Variants in FCAR observed in about 807,000 individuals in gnomAD.
FCAR encodes the protein immunoglobulin alpha Fc receptor.
Under a neutral mutation model 27.1 loss-of-function variants are expected in FCAR, and 21 were observed. The observed-to-expected ratio is 0.77, with a 90% CI of 0.55 to 1.11. FCAR has a LOEUF of 1.11. Among genes scored for constraint, FCAR ranks in the 50% most tolerant of loss-of-function variants. The pLI, the probability that FCAR is intolerant of heterozygous loss-of-function variation, is 0.00. For synonymous variants in FCAR, 134 were observed against 135.8 expected (o/e 0.99, Z 0.09); for missense variants, 404 against 358.4 (o/e 1.13, Z -1.03).
chr19:54,882,728 C>A (rs918888675), intron 2 of FCAR, among the ~76,000 whole-genome samples: 1 of 152,042 alleles, frequency 6.6e-6, no homozygotes, highest in Non-Finnish European at 1.5e-5. Flanking sequence ...TGTGAGCCAC[C>A]GCGCCCGGCC....
rs138940194 is a variant in FCAR, at chr19:54,888,051, T to C, written c.406T>C (p.Leu136=). 96 of 1,614,110 alleles carry C rather than the reference T, an allele frequency of 5.9e-5. No individual in the cohort carries two copies. The African/African-American group carries it at 6.8e-4, about 11-fold the overall frequency. Reference sequence around the variant, plus strand: ...CCTCTCTGCAGATCGGGGTCTGGTGTTGATGCCAGGAGAGAATATTTCCCT... The same window carrying C: ...CCTCTCTGCAGATCGGGGTCTGGTGCTGATGCCAGGAGAGAATATTTCCCT... ...PFLSADRGLV[L]MPGENISLTC... is the part of the protein sequence containing the mutation. The change falls in exon 4 of 5, where the codon TTG becomes CTG. Residue 136 remains leucine (L), a synonymous_variant. Coordinates refer to ENST00000355524, the MANE Select transcript of FCAR (RefSeq NM_002000.4).
In FCAR at chr19:54,890,834, C is replaced by T. The variant is rs2067040988; in HGVS notation, c.*971C>T. 1 of 151,866 alleles carries T rather than the reference C, an allele frequency of 6.6e-6. No individual in the cohort carries two copies. Among genetic ancestry groups the T allele is most frequent in the South Asian group, 2.1e-4 (1 of 4,820 alleles). 9.4% of individuals were successfully genotyped at this position (151,866 alleles called of 1,614,324 possible). A position where few individuals can be genotyped will look rare whatever the true frequency, so the allele number is the denominator to read the frequency against. ...TTTATTTTTTTTTGTTGAAGTGAGGCTCTCCCTATGTTGCCTAAGCTGGTC... is the reference window on the plus strand; with the variant it reads ...TTTATTTTTTTTTGTTGAAGTGAGGTTCTCCCTATGTTGCCTAAGCTGGTC... On this transcript the variant is annotated 3_prime_UTR_variant, in exon 5 of 5. Transcript: ENST00000355524.
Position 54,888,189 on chromosome 19 carries a change from C to A in FCAR, c.544C>A (p.Pro182Thr). Residue 182 changes from proline to threonine, a missense_variant, in exon 4 of 5, where the codon CCT (proline) becomes ACT (threonine). Pro to Thr is a conservative substitution (Grantham distance 38, BLOSUM62 -1). Transcript: ENST00000355524. Reference protein sequence around the residue: ...GEHPANFSLGPVDLNVSGIYR... With the variant: ...GEHPANFSLGTVDLNVSGIYR... ...ACACCCGGCCAACTTCTCTTTGGGT[C>A]CTGTGGACCTCAATGTCTCAGGGAT... 1 of 1,614,136 alleles carries A rather than the reference C, an allele frequency of 6.2e-7. No homozygotes were observed. The highest frequency in any genetic ancestry group is 1.1e-5 in the South Asian group (1 of 91,076).
intron 3 of FCAR, among the ~76,000 whole-genome samples, 188 bp downstream of exon 3, chr19:54,885,713 A>AT (rs1411885380): frequency 3.3e-5 from 5 of 152,252 alleles, no homozygotes; most frequent in Non-Finnish European, 5.9e-5. Context: ...ATTTCTTACC[A>AT]TTAATGAACA....
chr19:54,887,016 A>C (rs1353558440), intron 3 of FCAR, among the ~76,000 whole-genome samples: 1 of 71,906 alleles, frequency 1.4e-5, no homozygotes, highest in Non-Finnish European at 3.1e-5. Flanking sequence ...TCGTGCCTGT[A>C]ATCCCAGCAC....
intron 1 of FCAR, 122 bp downstream of exon 1, chr19:54,874,445 A>C (rs914321843): frequency 5.4e-6 from 5 of 929,152 alleles, no homozygotes; most frequent in Non-Finnish European, 8.6e-6. Context: ...TGATCTCCTT[A>C]GTGGAAAGGC....
Position 54,888,083 on chromosome 19 carries a change from C to T in FCAR, c.438C>T (p.Cys146=). Residue 146 remains cysteine (C), a synonymous_variant, in exon 4 of 5, where the codon TGC becomes TGT. Transcript: ENST00000355524. ...LMPGENISLT[C]SSAHIPFDRF... ...CAGGAGAGAATATTTCCCTCACGTG[C>T]AGCTCAGCACACATCCCATTTGATA... 1 of 1,613,920 alleles carries T rather than the reference C, an allele frequency of 6.2e-7. No individual in the cohort carries two copies. Among genetic ancestry groups the T allele is most frequent in the Non-Finnish European group, 8.5e-7 (1 of 1,179,780 alleles).
rs1214455700 is a variant in FCAR, at chr19:54,885,526, G to A, written c.361+1G>A. The A allele has an allele frequency of 1.2e-5, 20 of 1,605,090 alleles. No homozygotes were observed. Among genetic ancestry groups the A allele is most frequent in the Non-Finnish European group, 1.7e-5 (20 of 1,171,986 alleles). ...GACACCCTGGAGCTGGTAGTGACAG[G>A]TAAGGAAACATCCAGGGTCCACAGC... On this transcript the variant is annotated splice_donor_variant, in intron 3 of 4. Transcript: ENST00000355524. LOFTEE classifies it high-confidence loss of function.
chr19:54,890,435 T>C lies in FCAR; in HGVS notation c.*572T>C, dbSNP rs2145958666. ...TATTTATTTTATTTATTTTTATTTT[T>C]ATTTTTATTTGAGACAGAGTCTCAC... On this transcript the variant is annotated 3_prime_UTR_variant, in exon 5 of 5. Coordinates refer to ENST00000355524, the MANE Select transcript of FCAR (RefSeq NM_002000.4). 6.6e-6 allele frequency: 1 copy of C among 152,052 alleles called. No individual in the cohort carries two copies. Among genetic ancestry groups the C allele is most frequent in the South Asian group, 2.1e-4 (1 of 4,826 alleles). 9.4% of individuals were successfully genotyped at this position (152,052 alleles called of 1,614,324 possible).
rs375428442 is a variant in FCAR, at chr19:54,885,225, T to C, written c.71-10T>C. On this transcript the variant is annotated splice_polypyrimidine_tract_variant and intron_variant, in intron 2 of 4. Coordinates refer to ENST00000355524, the MANE Select transcript of FCAR (RefSeq NM_002000.4). Reference sequence around the variant, plus strand: ...CAAGCCACCTCAGTCTGGGCTTTCTTTTCTTCCAGGGGACTTTCCCATGCC... The same window carrying C: ...CAAGCCACCTCAGTCTGGGCTTTCTCTTCTTCCAGGGGACTTTCCCATGCC... 2.1e-5 allele frequency: 34 copies of C among 1,608,308 alleles called. No individual in the cohort carries two copies. In the African/African-American group the frequency reaches 4.2e-4, roughly 20 times the overall value.
chr19:54,888,920 T>A, intron 4 of FCAR: 1 of 984,764 alleles, frequency 1.0e-6, no homozygotes. Context: ...ACAACCTGCC[T>A]GGCCGGGCGT....
chr19:54,888,047 G>T lies in FCAR; in HGVS notation c.402G>T (p.Leu134=). The T allele has an allele frequency of 1.2e-6, 2 of 1,614,108 alleles. No individual in the cohort carries two copies. The highest frequency in any genetic ancestry group is 1.7e-6 in the Non-Finnish European group (2 of 1,179,936). ...CCTTCCTCTCTGCAGATCGGGGTCT[G>T]GTGTTGATGCCAGGAGAGAATATTT... ...GKPFLSADRG[L]VLMPGENISL... The change falls in exon 4 of 5, where the codon CTG becomes CTT. Residue 134 remains leucine, a synonymous_variant. Transcript: ENST00000355524.
rs2066969334 is a variant in FCAR at position 54,889,750 on chromosome 19, A to G, written c.751A>G (p.Ser251Gly). The change falls in exon 5 of 5, where the codon AGC becomes GGC. Residue 251 changes from serine to glycine, a missense_variant. Transcript: ENST00000355524. ...GGCCATACTGGTTGAAAATTGGCAC[A>G]GCCATACGGCACTGAACAAGGAAGC... ...LLAILVENWH[S>G]HTALNKEASA... The G allele has an allele frequency of 6.2e-7, 1 of 1,613,980 alleles. No individual in the cohort carries two copies. The highest frequency in any genetic ancestry group is 1.7e-5 in the Admixed American group (1 of 59,994).
In FCAR at chr19:54,885,365, G is replaced by T; in HGVS notation, c.201G>T (p.Thr67=). The T allele has an allele frequency of 1.2e-6, 2 of 1,614,030 alleles. No individual in the cohort carries two copies. The highest frequency in any genetic ancestry group is 1.1e-5 in the South Asian group (1 of 91,066). Residue 67 remains threonine (T), a synonymous_variant, in exon 3 of 5, where the codon ACG becomes ACT. Coordinates refer to ENST00000355524, the MANE Select transcript of FCAR (RefSeq NM_002000.4). ...AGCTGATGATCATAAAAAACTCCAC[G>T]TACCGAGAGATAGGCAGAAGACTGA... ...LTQLMIIKNS[T]YREIGRRLKF...
In FCAR at chr19:54,884,935, T is replaced by C. The variant is rs2066618483; in HGVS notation, c.71-300T>C. Among the ~76,000 whole-genome samples, 6 of 151,864 alleles carry C rather than the reference T, an allele frequency of 4.0e-5. No homozygotes were observed. The South Asian group carries it at 1.2e-3, about 32-fold the overall frequency. On this transcript the variant is annotated intron_variant, in intron 2 of 4. Coordinates refer to ENST00000355524, the MANE Select transcript of FCAR (RefSeq NM_002000.4). ...CATTCTCCTGCCCCAATCTCCCGAG[T>C]AGCTGGGACTACACGCGCCCGCCAC...
Position 54,885,446 on chromosome 19 carries a change from GGCAGGGC to G in FCAR, c.285_291del (p.Gly96IlefsTer7). On this transcript the variant is annotated frameshift_variant, in exon 3 of 5. Coordinates refer to ENST00000355524, the MANE Select transcript of FCAR (RefSeq NM_002000.4). LOFTEE classifies it high-confidence loss of function. ...TCATTGACCACATGGACGCAAACAA[GGCAGGGC>G]GCTATCAGTGCCAATATAGGATAGG... The G allele has an allele frequency of 6.2e-7, 1 of 1,613,976 alleles. No homozygotes were observed. The highest frequency in any genetic ancestry group is 8.5e-7 in the Non-Finnish European group (1 of 1,179,890).
chr19:54,889,995 C>G lies in FCAR; in HGVS notation c.*132C>G, dbSNP rs896597394. ...TTTTTTTTTGAGACAGAGTCTGGCTCTGTCACCCAGGCTGGAGTGCAGTGG... is the reference window on the plus strand; with the variant it reads ...TTTTTTTTTGAGACAGAGTCTGGCTGTGTCACCCAGGCTGGAGTGCAGTGG... On this transcript the variant is annotated 3_prime_UTR_variant, in exon 5 of 5. Coordinates refer to ENST00000355524, the MANE Select transcript of FCAR (RefSeq NM_002000.4). 8.6e-5 allele frequency: 57 copies of G among 663,750 alleles called. No individual in the cohort carries two copies. The highest frequency in any genetic ancestry group is 5.8e-4 in the African/African-American group (32 of 54,996). 41.1% of individuals were successfully genotyped at this position (663,750 alleles called of 1,614,324 possible).
chr19:54,882,452 T>A (rs897563667), intron 2 of FCAR, among the ~76,000 whole-genome samples: 1 of 151,746 alleles, frequency 6.6e-6, no homozygotes, highest in Non-Finnish European at 1.5e-5. Flanking sequence ...TTTTTCTTTT[T>A]TGTGGCAGAG....
Position 54,889,778 on chromosome 19 carries a change from C to T in FCAR, c.779C>T (p.Ser260Leu), listed in dbSNP as rs772571031. The T allele has an allele frequency of 2.5e-6, 4 of 1,613,726 alleles. No individual in the cohort carries two copies. The South Asian group carries it at 3.3e-5, about 13-fold the overall frequency. Reference sequence around the variant, plus strand: ...CATACGGCACTGAACAAGGAAGCCTCGGCAGATGTGGCTGAACCGAGCTGG... The same window carrying T: ...CATACGGCACTGAACAAGGAAGCCTTGGCAGATGTGGCTGAACCGAGCTGG... ...HSHTALNKEA[S>L]ADVAEPSWSQ... The change falls in exon 5 of 5, where the codon TCG becomes TTG. Residue 260 changes from serine to leucine, a missense_variant. Physicochemically the swap from Ser to Leu is moderately radical, Grantham distance 145. Coordinates refer to ENST00000355524, the MANE Select transcript of FCAR (RefSeq NM_002000.4).
Sources: gnomAD v4.1 joint callset for allele counts (sites outside exome capture counted in the v4.1 genomes callset) on GRCh38, gnomAD v4.1.1 for gene constraint, MANE v1.5 for transcripts, NCBI Gene and HGNC (gene_info 2026-07-23, HGNC 2026-07-21) for gene names.